Variants in ASCC2 observed in about 807,000 individuals in gnomAD.
ASCC2 encodes activating signal cointegrator 1 complex subunit 2.
A neutral mutation model predicts 93.5 loss-of-function variants in ASCC2; 42 were observed. The observed-to-expected ratio is 0.45, with a 90% CI of 0.35 to 0.58. The LOEUF (loss-of-function observed/expected upper bound fraction) is 0.58. Ranked by LOEUF, ASCC2 falls within the 20% of genes least tolerant of loss-of-function variation. ASCC2 has a pLI of 0.00. For missense variants in ASCC2, 859 were observed against 977.6 expected (o/e 0.88, Z 1.62); for synonymous variants, 364 against 384.2 (o/e 0.95, Z 0.62).
intron 8 of ASCC2, among the ~76,000 whole-genome samples, chr22:29,810,604 G>A (rs1486145596): frequency 6.6e-6 from 1 of 152,184 alleles, no homozygotes; most frequent in African/African-American, 2.4e-5. Flanking sequence ...CCTATGGAGG[G>A]CGATTTGGCA....
intron 8 of ASCC2, among the ~76,000 whole-genome samples, chr22:29,812,497 T>C (rs1425538584): frequency 6.6e-6 from 1 of 152,200 alleles, no homozygotes; most frequent in African/African-American, 2.4e-5. Flanking sequence ...AACAGCTCCT[T>C]TGGATAAAAG....
At chr22:29,829,677 C>T (rs1375335090) in intron 2 of ASCC2, among the ~76,000 whole-genome samples, 3 of 151,050 alleles carry the variant, frequency 2.0e-5, no homozygotes, top group Non-Finnish European at 4.4e-5. Flanking sequence ...CCAGCCTAGG[C>T]GACAGAGCAA....
chr22:29,833,055 G>A (rs955203212), intron 1 of ASCC2, among the ~76,000 whole-genome samples: 1 of 152,088 alleles, frequency 6.6e-6, no homozygotes, highest in Non-Finnish European at 1.5e-5. Context: ...AGCGCTCACA[G>A]GTGTGAGCCT....
rs768221972 is a variant in ASCC2, at chr22:29,825,122, T to C, written c.376A>G (p.Thr126Ala). ...TTGTGAGTGGACATGCGGAGGAAGG[T>C]GAGAAAAACACTTCGATGGAGGCGC... Reference protein sequence around the residue: ...QKRLHRSVFLTFLRMSTHKES... With the variant: ...QKRLHRSVFLAFLRMSTHKES... The change falls in exon 4 of 20, where the codon ACC becomes GCC. Residue 126 changes from threonine (T) to alanine (A), a missense_variant. Thr to Ala is a moderately conservative substitution (Grantham distance 58, BLOSUM62 0). Coordinates refer to ENST00000307790, the MANE Select transcript of ASCC2 (RefSeq NM_032204.5). The surrounding 1 kb of genome is among the most constrained non-coding windows in gnomAD (Gnocchi z 4.9). The C allele has an allele frequency of 4.1e-5, 63 of 1,523,286 alleles. No homozygotes were observed. The allele number at this position is 1,523,286 out of a possible 1,614,324, so 94.4% of individuals were successfully genotyped here. A position where few individuals can be genotyped will look rare whatever the true frequency, so the allele number is the denominator to read the frequency against.
chr22:29,803,555 A>G (rs936860080), intron 13 of ASCC2, among the ~76,000 whole-genome samples: 3 of 152,102 alleles, frequency 2.0e-5, no homozygotes, highest in East Asian at 3.9e-4. Context: ...CTACTAATCC[A>G]AGGTCCTTTT....
In ASCC2 at chr22:29,788,917, T is replaced by C. The variant is rs990117562; in HGVS notation, c.*96A>G. On this transcript the variant is annotated 3_prime_UTR_variant, in exon 20 of 20. Transcript: ENST00000307790. ...AAGCTGAGGCTGTTGAGGGGTTGAG[T>C]TGAACTTGGGGCCCCTAGTGAGGAG... The C allele has an allele frequency of 1.3e-5, 19 of 1,499,972 alleles. No homozygotes were observed. The highest frequency in any genetic ancestry group is 1.6e-5 in the Non-Finnish European group (17 of 1,093,970). 92.9% of individuals were successfully genotyped at this position (1,499,972 alleles called of 1,614,324 possible).
intron 2 of ASCC2, among the ~76,000 whole-genome samples, chr22:29,829,460 C>T (rs772144878): frequency 7.9e-5 from 12 of 152,106 alleles, no homozygotes; most frequent in South Asian, 4.1e-4. Flanking sequence ...TGGTGGCTCA[C>T]GCCTGTAATC....
At chr22:29,793,901 G>GTTT (rs1266418835) in intron 15 of ASCC2, among the ~76,000 whole-genome samples, 2 of 140,150 alleles carry the variant, frequency 1.4e-5, no homozygotes, top group Non-Finnish European at 1.6e-5. Context: ...AAGAGCCACT[G>GTTT]TTTTTTTTTT....
In ASCC2 at chr22:29,822,330, C is replaced by T. The variant is rs1445884680; in HGVS notation, c.541+5G>A. The T allele has an allele frequency of 1.2e-6, 2 of 1,613,774 alleles. No individual in the cohort carries two copies. Among genetic ancestry groups the T allele is most frequent in the African/African-American group, 1.3e-5 (1 of 74,920 alleles). On this transcript the variant is annotated splice_donor_5th_base_variant and intron_variant, in intron 5 of 19. Transcript: ENST00000307790. ...TGCATCCTCCCAGTCCTGCATCCTA[C>T]ACACCTATCATCTTCTGGAGCAGTG...
chr22:29,799,761 G>A (rs1333836820), intron 15 of ASCC2, among the ~76,000 whole-genome samples: 1 of 152,100 alleles, frequency 6.6e-6, no homozygotes, highest in African/African-American at 2.4e-5. Flanking sequence ...CCCTCTGATG[G>A]GTCATCATTC....
intron 2 of ASCC2, among the ~76,000 whole-genome samples, chr22:29,827,242 A>G (rs970388163): frequency 3.9e-5 from 6 of 151,938 alleles, no homozygotes; most frequent in African/African-American, 1.5e-4. Flanking sequence ...CTTGCCATGA[A>G]CAAACCTTAC....
chr22:29,800,267 G>A (rs2058928387), intron 15 of ASCC2, among the ~76,000 whole-genome samples: 1 of 152,164 alleles, frequency 6.6e-6, no homozygotes, highest in Non-Finnish European at 1.5e-5. Context: ...GTTCTCAGAG[G>A]AGCCTTCTTG....
intron 15 of ASCC2, among the ~76,000 whole-genome samples, chr22:29,799,985 G>A (rs2058891424): frequency 6.6e-6 from 1 of 152,088 alleles, no homozygotes; most frequent in African/African-American, 2.4e-5. Flanking sequence ...ATGGGGTTTC[G>A]CTATGTTGCC....
At chr22:29,807,402 G>A (rs573462513) in intron 9 of ASCC2, among the ~76,000 whole-genome samples, 73 of 152,304 alleles carry the variant, frequency 4.8e-4, no homozygotes, top group Non-Finnish European at 1.2e-4. Flanking sequence ...GAAGATAGCT[G>A]CTTCCAGGGC....
rs781687895 is a variant in ASCC2, at chr22:29,790,543, G to T, written c.2028C>A (p.Asp676Glu). 1.9e-6 allele frequency: 3 copies of T among 1,613,942 alleles called. No homozygotes were observed. Among genetic ancestry groups the T allele is most frequent in the Admixed American group, 3.3e-5 (2 of 59,998 alleles). ...DDADEEAPKP[D>E]HFVQDPAVLR... ...GCACTGCAGGGTCCTGAACAAAATG[G>T]TCGGGCTGTGGAAAGGAGAGGAGAC... Residue 676 changes from aspartate to glutamate, a missense_variant, in exon 19 of 20, where the codon GAC (aspartate) becomes GAA (glutamate). Physicochemically the swap from Asp to Glu is conservative, Grantham distance 45 (BLOSUM62 2). Transcript: ENST00000307790.
At position 29,806,995 on chromosome 22, in the gene ASCC2, T is replaced by C. The variant is rs12627866; in HGVS notation, c.909-91A>G. The C allele has an allele frequency of 0.069, 65,817 of 957,048 alleles. 3,590 individuals carry two copies. Among genetic ancestry groups the C allele is most frequent in the African/African-American group, 0.24 (14,366 of 60,176 alleles). 59.3% of individuals were successfully genotyped at this position (957,048 alleles called of 1,614,324 possible). On this transcript the variant is annotated intron_variant, in intron 9 of 19. Transcript: ENST00000307790. The stretch of plus-strand genomic sequence containing the variant: ...GGTTTACACCTGAAACCCTAGCATC[T>C]TGGGAATCTGAGGTGGGAGGATCAC...
intron 15 of ASCC2, among the ~76,000 whole-genome samples, chr22:29,795,613 A>C (rs1487805964): frequency 1.3e-5 from 2 of 152,126 alleles, no homozygotes; most frequent in Non-Finnish European, 2.9e-5. Context: ...TTTCCATGTA[A>C]AATTTCACTG....
intron 2 of ASCC2, chr22:29,826,144 G>A (rs2062280402): frequency 5.6e-6 from 1 of 179,944 alleles, no homozygotes; most frequent in African/African-American, 2.4e-5. Context: ...TCTTTAAAAA[G>A]TGTAAGTATA....
chr22:29,797,209 T>C (rs974818850), intron 15 of ASCC2, among the ~76,000 whole-genome samples: 6 of 152,168 alleles, frequency 3.9e-5, no homozygotes, highest in African/African-American at 1.4e-4. Flanking sequence ...GCAGAGACCC[T>C]CTGGAGCAGG....
Sources: allele counts gnomAD v4.1 joint callset (sites outside exome capture counted in the v4.1 genomes callset), GRCh38; gene constraint gnomAD v4.1.1; non-coding constraint Gnocchi (gnomAD v3.1); transcripts MANE v1.5; gene names NCBI Gene and HGNC (gene_info 2026-07-23, HGNC 2026-07-21).